The following EYS variants were observed in gnomAD, a reference collection of about 807,000 sequenced individuals.
EYS encodes EGF-like photoreceptor maintenance factor, also known as protein eyes shut homolog.
Under a neutral mutation model 282.1 loss-of-function variants are expected in EYS, and 250 were observed. The observed-to-expected ratio is 0.89, with a 90% CI of 0.80 to 0.98. The LOEUF (loss-of-function observed/expected upper bound fraction) is 0.98, where lower values mean the gene tolerates loss of function less well. Among genes scored for constraint, EYS ranks in the 50% least tolerant of loss-of-function variants. The pLI is 0.00. For synonymous variants in EYS, 1,355 were observed against 1,282.9 expected, an observed-to-expected ratio of 1.06 and a Z score of -1.20; for missense variants, 4,016 against 3,709.0, an observed-to-expected ratio of 1.08 and a Z score of -2.15.
chr6:65,244,933 C>G (rs1446299415), intron 12 of EYS, among the ~76,000 whole-genome samples: 4 of 152,116 alleles, frequency 2.6e-5, no homozygotes, highest in Non-Finnish European at 4.4e-5. Flanking sequence ...ACACTAATGT[C>G]TAATTCGAAA....
At chr6:64,562,373 A>C (rs1765424723) in intron 26 of EYS, among the ~76,000 whole-genome samples, 1 of 151,966 alleles carries the variant, frequency 6.6e-6, no homozygotes, top group Admixed American at 6.6e-5. Flanking sequence ...TTCAGTGGAA[A>C]GTACATTTTT....
At chr6:63,959,647 C>T (rs1238019115) in intron 35 of EYS, among the ~76,000 whole-genome samples, 4 of 152,080 alleles carry the variant, frequency 2.6e-5, no homozygotes, top group Admixed American at 6.6e-5. Flanking sequence ...ATAAAGGAAA[C>T]GTGGTACATA....
At chr6:64,392,540 A>T (rs1398518964) in intron 28 of EYS, among the ~76,000 whole-genome samples, 4 of 151,822 alleles carry the variant, frequency 2.6e-5, no homozygotes, top group African/African-American at 7.3e-5. Context: ...GGGTACATAA[A>T]GAAATGAAGG....
intron 31 of EYS, among the ~76,000 whole-genome samples, chr6:64,093,283 C>T (rs1172309364): frequency 7.0e-6 from 1 of 142,896 alleles, no homozygotes; most frequent in African/African-American, 2.6e-5. Context: ...TTTTCCAATT[C>T]TGTGAAGAAA....
chr6:64,228,608 A>T (rs1177841224), intron 31 of EYS, among the ~76,000 whole-genome samples: 3 of 152,178 alleles, frequency 2.0e-5, no homozygotes, highest in African/African-American at 7.2e-5. Context: ...ATTAGTTTTT[A>T]AAATATTATA....
At chr6:64,063,605 T>C (rs1174396326) in intron 33 of EYS, among the ~76,000 whole-genome samples, 2 of 152,202 alleles carry the variant, frequency 1.3e-5, no homozygotes, top group Non-Finnish European at 2.9e-5. Flanking sequence ...TTGCAAACTG[T>C]CTACCTTTCA....
chr6:65,142,795 C>T (rs1285693074), intron 12 of EYS, among the ~76,000 whole-genome samples: 4 of 151,900 alleles, frequency 2.6e-5, no homozygotes, highest in African/African-American at 7.2e-5. Context: ...CCTGACTTCT[C>T]ATCTAAAACT....
At chr6:64,009,478 G>A (rs1768505627) in intron 33 of EYS, among the ~76,000 whole-genome samples, 1 of 151,920 alleles carries the variant, frequency 6.6e-6, no homozygotes, top group East Asian at 1.9e-4. Context: ...TAGAGATGGG[G>A]TTTCACCGGG....
chr6:64,091,781 A>G lies in EYS; in HGVS notation c.6425-9779T>C, dbSNP rs558317925. 2.3e-4 allele frequency among the ~76,000 whole-genome samples: 35 copies of G among 152,220 alleles called. 1 individual carries two copies. In the South Asian group the frequency reaches 5.6e-3, roughly 24 times the overall value. On this transcript the variant is annotated intron_variant, in intron 31 of 42. Coordinates refer to ENST00000503581, the MANE Select transcript of EYS (RefSeq NM_001142800.2). The stretch of plus-strand genomic sequence containing the variant: ...TTTTTTTAATTATACTTTAAGTTTT[A>G]GGGTACATGTGCAAAACGTGCAGGT...
chr6:64,096,185 T>C (rs543371214), intron 31 of EYS, among the ~76,000 whole-genome samples: 1 of 152,324 alleles, frequency 6.6e-6, no homozygotes, highest in South Asian at 2.1e-4. Context: ...GCCCTTAACA[T>C]TTTATCCTTC....
chr6:63,995,878 A>G (rs1288204806), intron 34 of EYS, among the ~76,000 whole-genome samples: 3 of 151,908 alleles, frequency 2.0e-5, no homozygotes, highest in African/African-American at 4.8e-5. Context: ...AATTTTGGTG[A>G]TCTATTGCAC....
At chr6:65,036,377 C>A (rs570006058) in intron 13 of EYS, among the ~76,000 whole-genome samples, 4 of 151,738 alleles carry the variant, frequency 2.6e-5, no homozygotes, top group South Asian at 2.1e-4. Context: ...CTATAACAAT[C>A]CTAGAAAAAA....
intron 17 of EYS, 43 bp from the exon 18 acceptor site, chr6:64,902,263 T>TA: frequency 7.1e-7 from 1 of 1,406,126 alleles, no homozygotes; most frequent in Non-Finnish European, 9.7e-7. Flanking sequence ...TATATATGTA[T>TA]AAAATCAATG....
intron 30 of EYS, among the ~76,000 whole-genome samples, chr6:64,245,973 C>T (rs1184950869): frequency 2.4e-5 from 3 of 123,926 alleles, no homozygotes; most frequent in Non-Finnish European, 4.7e-5. Context: ...GAGTCGAGAT[C>T]GCGCCACTGC....
chr6:64,109,299 G>A (rs146588836), intron 31 of EYS, among the ~76,000 whole-genome samples: 1,662 of 151,976 alleles, frequency 0.011, 24 homozygotes, highest in African/African-American at 0.038. Context: ...TTTACACAAA[G>A]CATCACACTA....
chr6:65,051,483 G>T (rs1773266482), intron 13 of EYS, among the ~76,000 whole-genome samples: 1 of 151,476 alleles, frequency 6.6e-6, no homozygotes, highest in Non-Finnish European at 1.5e-5. Context: ...TTTGATACAT[G>T]TATACATTAT....
chr6:64,221,732 C>T (rs1282319563), intron 31 of EYS, among the ~76,000 whole-genome samples: 1 of 152,092 alleles, frequency 6.6e-6, no homozygotes, highest in East Asian at 1.9e-4. Flanking sequence ...TGAAATCTCA[C>T]ACCATCCCCA....
intron 30 of EYS, among the ~76,000 whole-genome samples, chr6:64,303,184 G>A (rs1769296450): frequency 6.6e-6 from 1 of 152,140 alleles, no homozygotes; most frequent in Non-Finnish European, 1.5e-5. Context: ...CCGACTTCCG[G>A]CTTCTAACAT....
chr6:63,752,494 CTT>C (rs11421916), intron 41 of EYS, among the ~76,000 whole-genome samples: 14 of 132,016 alleles, frequency 1.1e-4, no homozygotes, highest in Admixed American at 1.6e-4. Context: ...TGTTTAATTT[CTT>C]TTTTTTTTTT....
Sources: gnomAD v4.1 joint callset for allele counts (sites outside exome capture counted in the v4.1 genomes callset) on GRCh38, gnomAD v4.1.1 for gene constraint, MANE v1.5 for transcripts, NCBI Gene and HGNC (gene_info 2026-07-23, HGNC 2026-07-21) for gene names.